The following PCM1 variants were observed in gnomAD, a reference collection of about 807,000 sequenced individuals.
PCM1 encodes the protein pericentriolar material 1.
A neutral mutation model predicts 241.9 loss-of-function variants in PCM1; 157 were observed. The ratio of observed to expected loss-of-function variants is 0.65; its 90% confidence interval spans 0.57 to 0.74. The LOEUF is 0.74. Ranked by LOEUF, PCM1 falls within the 30% of genes least tolerant of loss-of-function variation. The pLI is 0.00. For synonymous variants in PCM1, 1,085 were observed against 784.9 expected, an observed-to-expected ratio of 1.38 and a Z score of -6.39; for missense variants, 3,478 against 2,360.1, an observed-to-expected ratio of 1.47 and a Z score of -9.81.
At chr8:17,961,518 A>T (rs1208399221) in intron 15 of PCM1, among the ~76,000 whole-genome samples, 6 of 151,926 alleles carry the variant, frequency 3.9e-5, no homozygotes, top group Non-Finnish European at 8.8e-5. Flanking sequence ...TCACCGTGTT[A>T]GCCAAGATGG....
In PCM1 at chr8:17,932,827, G is replaced by C. The variant is rs79828757; in HGVS notation, c.-22-2762G>C. 9.9e-4 allele frequency among the ~76,000 whole-genome samples: 150 copies of C among 151,852 alleles called. No individual in the cohort carries two copies. The East Asian group carries it at 0.014, about 14-fold the overall frequency. The stretch of plus-strand genomic sequence containing the variant: ...TGTTTAAAATTCTGTTTTAATCTTT[G>C]ACTATTTTGATAGTATGATATAAGG... On this transcript the variant is annotated intron_variant, in intron 2 of 38. Transcript: ENST00000325083.
In PCM1 at chr8:17,950,673, A is replaced by C. The variant is rs1445933840; in HGVS notation, c.1020A>C (p.Glu340Asp). Residue 340 changes from glutamate (E) to aspartate (D), a missense_variant, in exon 8 of 39, where the codon GAA (glutamate) becomes GAC (aspartate). Physicochemically the swap from Glu to Asp is conservative, Grantham distance 45. Coordinates refer to ENST00000325083, the MANE Select transcript of PCM1 (RefSeq NM_006197.4). ...TCAGTATCACATCTGAACTAAATGA[A>C]GAATTGAATGACTTAATTCAGCGTT... ...SGVSITSELN[E>D]ELNDLIQRFH... 1 of 1,605,842 alleles carries C rather than the reference A, an allele frequency of 6.2e-7. No individual in the cohort carries two copies. The highest frequency in any genetic ancestry group is 8.5e-7 in the Non-Finnish European group (1 of 1,175,304).
chr8:17,964,142 T>G (rs1192645035), intron 17 of PCM1, among the ~76,000 whole-genome samples: 2 of 152,220 alleles, frequency 1.3e-5, no homozygotes, highest in African/African-American at 2.4e-5. Flanking sequence ...ATTAAAAATT[T>G]ATTTTCTCAG....
At chr8:17,985,385 A>G (rs573083988) in intron 24 of PCM1, 62 bp from the exon 25 acceptor site, 68 of 1,097,668 alleles carry the variant, frequency 6.2e-5, no homozygotes, top group South Asian at 4.6e-4. Flanking sequence ...GATACTAGCT[A>G]ATAAAAGTTG....
intron 9 of PCM1, among the ~76,000 whole-genome samples, chr8:17,955,218 C>T (rs574418108): frequency 6.6e-6 from 1 of 151,962 alleles, no homozygotes; most frequent in East Asian, 1.9e-4. Flanking sequence ...TTTTTCTTTC[C>T]TTTCTGTTTT....
chr8:17,945,319 G>A (rs1406131081), intron 6 of PCM1, among the ~76,000 whole-genome samples: 2 of 152,050 alleles, frequency 1.3e-5, no homozygotes, highest in African/African-American at 4.8e-5. Context: ...TGAGTAAACA[G>A]TACTTAATTT....
intron 24 of PCM1, 28 bp downstream of exon 24, chr8:17,980,783 A>G (rs769603422): frequency 1.8e-5 from 28 of 1,540,948 alleles, no homozygotes; most frequent in Admixed American, 1.4e-4. Flanking sequence ...TTGCATTAAT[A>G]TAAGGAGGTT....
At chr8:17,944,850 C>T (rs1177412819) in intron 6 of PCM1, among the ~76,000 whole-genome samples, 1 of 152,056 alleles carries the variant, frequency 6.6e-6, no homozygotes, top group Non-Finnish European at 1.5e-5. Context: ...ATTGAGAATT[C>T]ATTTTTAGAT....
intron 2 of PCM1, among the ~76,000 whole-genome samples, chr8:17,928,645 A>G (rs1407229980): frequency 1.7e-4 from 14 of 81,274 alleles, no homozygotes; most frequent in Admixed American, 6.5e-4. Flanking sequence ...TTTTTTTTTT[A>G]AAGTGAGGCG....
intron 36 of PCM1, among the ~76,000 whole-genome samples, chr8:18,015,947 G>C (rs1176294997): frequency 6.6e-6 from 1 of 152,198 alleles, no homozygotes; most frequent in Non-Finnish European, 1.5e-5. Flanking sequence ...GGAGTGCAGT[G>C]GCGCGATCTC....
chr8:17,973,442 G>C (rs1006477966), intron 23 of PCM1, among the ~76,000 whole-genome samples: 5 of 152,196 alleles, frequency 3.3e-5, no homozygotes, highest in Non-Finnish European at 1.5e-5. Flanking sequence ...CCTAAGGCTA[G>C]TTGCGGTGGC....
intron 17 of PCM1, among the ~76,000 whole-genome samples, chr8:17,963,914 A>C (rs1416940073): frequency 6.6e-6 from 1 of 152,180 alleles, no homozygotes; most frequent in Non-Finnish European, 1.5e-5. Flanking sequence ...CTCTCTTCTC[A>C]GATGAACTTC....
At chr8:17,998,331 C>G (rs1436703452) in intron 29 of PCM1, among the ~76,000 whole-genome samples, 1 of 152,126 alleles carries the variant, frequency 6.6e-6, no homozygotes, top group African/African-American at 2.4e-5. Context: ...TTGTTTGTGC[C>G]CATTCTTCTT....
At chr8:17,994,913 A>G (rs1200592134) in intron 29 of PCM1, among the ~76,000 whole-genome samples, 2 of 151,444 alleles carry the variant, frequency 1.3e-5, no homozygotes, top group Non-Finnish European at 2.9e-5. Context: ...TGAACTCTTT[A>G]TATATGCTGG....
intron 29 of PCM1, among the ~76,000 whole-genome samples, chr8:17,994,176 A>T (rs575923322): frequency 1.3e-5 from 2 of 152,042 alleles, no homozygotes; most frequent in Non-Finnish European, 2.9e-5. Flanking sequence ...CATCTTCCCT[A>T]TTCCCTACTA....
intron 2 of PCM1, among the ~76,000 whole-genome samples, chr8:17,930,299 T>A (rs62500086): frequency 0.45 from 67,801 of 151,120 alleles, 17,026 homozygotes; most frequent in Non-Finnish European, 0.58. Context: ...GTGACAGGGT[T>A]TCACCGTGTT....
At chr8:17,966,790 A>G (rs1236704335) in intron 20 of PCM1, among the ~76,000 whole-genome samples, 190 bp from the exon 21 acceptor site, 1 of 152,248 alleles carries the variant, frequency 6.6e-6, no homozygotes, top group East Asian at 1.9e-4. Flanking sequence ...CAGAAGTACT[A>G]AGTTCATTTC....
At chr8:17,923,259 C>G (rs2055231435) in intron 1 of PCM1, 71 bp downstream of exon 1, 1 of 152,458 alleles carries the variant, frequency 6.6e-6, no homozygotes, top group Admixed American at 6.5e-5. Flanking sequence ...AGTAACGGCT[C>G]CGGGACACTC....
chr8:17,950,205 C>A (rs142938518), intron 7 of PCM1, among the ~76,000 whole-genome samples: 3 of 152,174 alleles, frequency 2.0e-5, no homozygotes, highest in African/African-American at 7.2e-5. Context: ...GCAAAGTTTG[C>A]CAGCCCCTCT....
Sources: gnomAD v4.1 joint callset for allele counts (sites outside exome capture counted in the v4.1 genomes callset) on GRCh38, gnomAD v4.1.1 for gene constraint, MANE v1.5 for transcripts, NCBI Gene and HGNC (gene_info 2026-07-23, HGNC 2026-07-21) for gene names.